CACNG2: variants seen among roughly 807,000 people sequenced by gnomAD.
The protein encoded by CACNG2 is calcium voltage-gated channel auxiliary subunit gamma 2, also known as voltage-dependent calcium channel gamma-2 subunit.
Under a neutral mutation model 25.9 loss-of-function variants are expected in CACNG2, and 3 were observed. The observed-to-expected ratio is 0.12, with a 90% CI of 0.05 to 0.30. The LOEUF (loss-of-function observed/expected upper bound fraction) is 0.30. Among genes scored for constraint, CACNG2 ranks in the 10% least tolerant of loss-of-function variants. CACNG2 has a pLI of 1.00. For synonymous variants in CACNG2, 167 were observed against 173.3 expected (o/e 0.96, Z 0.29); for missense variants, 341 against 432.5 (o/e 0.79, Z 1.88).
chr22:36,566,609 G>C lies in CACNG2; in HGVS notation c.296-116C>G, dbSNP rs909237191. On this transcript the variant is annotated intron_variant, in intron 2 of 3. Coordinates refer to ENST00000300105, the MANE Select transcript of CACNG2 (RefSeq NM_006078.5). ...CTGGGGGTTTATGGACACAGCCTTA[G>C]AGGAGAGGTTGCTTTGCAATCCTAG... is the stretch of plus-strand genomic sequence containing the variant. 6.2e-6 allele frequency: 7 copies of C among 1,124,326 alleles called. No individual in the cohort carries two copies. The African/African-American group carries it at 7.7e-5, about 12-fold the overall frequency. 69.6% of individuals were successfully genotyped at this position (1,124,326 alleles called of 1,614,324 possible). A position where few individuals can be genotyped will look rare whatever the true frequency, so the allele number is the denominator to read the frequency against.
intron 1 of CACNG2, among the ~76,000 whole-genome samples, chr22:36,616,531 G>C (rs956320563): frequency 6.6e-6 from 1 of 152,178 alleles, no homozygotes; most frequent in African/African-American, 2.4e-5. Context: ...GGAAACTAGA[G>C]AGTATTGCTG....
At chr22:36,604,677 C>T (rs1452704946) in intron 1 of CACNG2, among the ~76,000 whole-genome samples, 4 of 152,194 alleles carry the variant, frequency 2.6e-5, no homozygotes, top group Non-Finnish European at 5.9e-5. Flanking sequence ...CTCAGATGGT[C>T]AGTAGCATTT....
At chr22:36,667,308 T>C (rs1936888698) in intron 1 of CACNG2, among the ~76,000 whole-genome samples, 1 of 152,178 alleles carries the variant, frequency 6.6e-6, no homozygotes, top group African/African-American at 2.4e-5. Flanking sequence ...CTCACCGTTG[T>C]CCACCCTGGA....
chr22:36,679,203 T>TTTCTTTCTTTCTTTCC (rs1569049876), intron 1 of CACNG2, among the ~76,000 whole-genome samples: 17 of 138,286 alleles, frequency 1.2e-4, no homozygotes, highest in Non-Finnish European at 2.5e-4. Context: ...CCTTCCTTTC[T>TTTCTTTCTTTCTTTCC]TTCTTTCTTT....
At chr22:36,575,047 C>G (rs781274312) in intron 2 of CACNG2, among the ~76,000 whole-genome samples, 1 of 152,128 alleles carries the variant, frequency 6.6e-6, no homozygotes, top group Non-Finnish European at 1.5e-5. Flanking sequence ...TGGTTAGTGA[C>G]CATCTCAAGA....
intron 1 of CACNG2, among the ~76,000 whole-genome samples, chr22:36,683,329 C>T (rs1937151650): frequency 6.6e-6 from 1 of 152,210 alleles, no homozygotes; most frequent in Non-Finnish European, 1.5e-5. Context: ...TCCAATACTT[C>T]AGGATTAGCC....
chr22:36,569,456 C>T (rs1935188531), intron 2 of CACNG2, among the ~76,000 whole-genome samples: 1 of 152,212 alleles, frequency 6.6e-6, no homozygotes, highest in African/African-American at 2.4e-5. Context: ...CTGTGCCACT[C>T]ACTTGCTGTG....
chr22:36,563,135 T>A lies in CACNG2; in HGVS notation c.*1216A>T, dbSNP rs1935057110. On this transcript the variant is annotated 3_prime_UTR_variant, in exon 4 of 4. Transcript: ENST00000300105. ...CTGTGGTTTTTTTATTAAAAAAAAA[T>A]CACCACTTGTTTTTCCTTTTTCTTT... is the stretch of plus-strand genomic sequence containing the variant. 6.6e-6 allele frequency among the ~76,000 whole-genome samples: 1 copy of A among 152,146 alleles called. No individual in the cohort carries two copies. Among genetic ancestry groups the A allele is most frequent in the Admixed American group, 6.5e-5 (1 of 15,286 alleles).
At chr22:36,652,063 A>T (rs879834739) in intron 1 of CACNG2, among the ~76,000 whole-genome samples, 1 of 152,010 alleles carries the variant, frequency 6.6e-6, no homozygotes, top group East Asian at 1.9e-4. Flanking sequence ...ATAGGGTTTC[A>T]CCGTGTTGGC....
intron 1 of CACNG2, among the ~76,000 whole-genome samples, chr22:36,596,657 A>G (rs557226821): frequency 1.3e-5 from 2 of 152,182 alleles, no homozygotes; most frequent in African/African-American, 4.8e-5. Flanking sequence ...CTGAGCTCCC[A>G]CTTCACTGAA....
At chr22:36,595,221 A>G (rs1935661464) in intron 1 of CACNG2, among the ~76,000 whole-genome samples, 2 of 152,070 alleles carry the variant, frequency 1.3e-5, no homozygotes, top group African/African-American at 4.8e-5. Flanking sequence ...TGCGGGACAT[A>G]GGAGGGAACA....
rs1936006979 is a variant in CACNG2, at chr22:36,615,344, C to A, written c.212-27796G>T. Among the ~76,000 whole-genome samples the A allele has an allele frequency of 4.6e-5, 7 of 152,142 alleles. No homozygotes were observed. The South Asian group carries it at 1.0e-3, about 23-fold the overall frequency. ...CTCATGGGTACCACACCTGCAGGGC[C>A]CTTCTTGGTTTAGTCTGTGATGACT... On this transcript the variant is annotated intron_variant, in intron 1 of 3. Coordinates refer to ENST00000300105, the MANE Select transcript of CACNG2 (RefSeq NM_006078.5).
At chr22:36,595,317 C>A (rs140623145) in intron 1 of CACNG2, among the ~76,000 whole-genome samples, 9 of 152,264 alleles carry the variant, frequency 5.9e-5, no homozygotes, top group African/African-American at 1.9e-4. Context: ...CAGCAGTGTG[C>A]GGGCCGGCTC....
At position 36,651,312 on chromosome 22, in the gene CACNG2, T is replaced by G. The variant is rs1018910407; in HGVS notation, c.211+51054A>C. On this transcript the variant is annotated intron_variant, in intron 1 of 3. Transcript: ENST00000300105. ...GATGCAATCTCGGCTCACTGCAACC[T>G]CCGCCTCCCAGGTTCAAGTGATTCT... 2.3e-5 allele frequency among the ~76,000 whole-genome samples: 3 copies of G among 128,018 alleles called. No homozygotes were observed. In the East Asian group the frequency reaches 8.4e-4, roughly 36 times the overall value. The allele number at this position is 128,018 out of a possible 152,430, so 84.0% of individuals were successfully genotyped here. A position where few individuals can be genotyped will look rare whatever the true frequency, so the allele number is the denominator to read the frequency against.
At chr22:36,594,753 G>A (rs74997767) in intron 1 of CACNG2, among the ~76,000 whole-genome samples, 4,270 of 151,110 alleles carry the variant, frequency 0.028, 83 homozygotes, top group African/African-American at 0.04. Context: ...GTGTGTGTGC[G>A]TATGTGTGTG....
At chr22:36,599,432 G>T (rs780770685) in intron 1 of CACNG2, among the ~76,000 whole-genome samples, 2 of 152,222 alleles carry the variant, frequency 1.3e-5, no homozygotes, top group Non-Finnish European at 2.9e-5. Flanking sequence ...GGGCGTGGTG[G>T]CTCACACCTG....
At chr22:36,684,631 AC>A (rs1421602166) in intron 1 of CACNG2, among the ~76,000 whole-genome samples, 2 of 151,584 alleles carry the variant, frequency 1.3e-5, no homozygotes, top group Non-Finnish European at 2.9e-5. Context: ...AAAAAAAAAA[AC>A]AAAGTAAAAA....
At chr22:36,655,157 T>C (rs1049215374) in intron 1 of CACNG2, among the ~76,000 whole-genome samples, 2 of 152,190 alleles carry the variant, frequency 1.3e-5, no homozygotes, top group Non-Finnish European at 2.9e-5. Context: ...AGAGTTTGGA[T>C]TGGAATTCCT....
intron 1 of CACNG2, among the ~76,000 whole-genome samples, chr22:36,618,674 ACTTTGG>A (rs1936061416): frequency 6.6e-6 from 1 of 152,234 alleles, no homozygotes; most frequent in African/African-American, 2.4e-5. Flanking sequence ...TAATCCCAGC[ACTTTGG>A]GAGGCTGAGG....
Sources: gnomAD v4.1 joint callset for allele counts (sites outside exome capture counted in the v4.1 genomes callset) on GRCh38, gnomAD v4.1.1 for gene constraint, MANE v1.5 for transcripts, NCBI Gene and HGNC (gene_info 2026-07-23, HGNC 2026-07-21) for gene names.